Variants in GALNT18 observed in about 807,000 individuals in gnomAD.
The protein encoded by GALNT18 is polypeptide N-acetylgalactosaminyltransferase 18, also known as GalNAc-transferase 18.
GALNT18 carries 44 observed loss-of-function variants against 69.5 expected under a neutral mutation model. The observed-to-expected ratio is 0.63, with a 90% CI of 0.50 to 0.81. The LOEUF is 0.81. GALNT18 is among the 40% of genes least tolerant of loss of function. GALNT18 has a pLI of 0.00. For synonymous variants in GALNT18, 364 were observed against 318.2 expected, an observed-to-expected ratio of 1.14 and a Z score of -1.53; for missense variants, 715 against 810.0, an observed-to-expected ratio of 0.88 and a Z score of 1.42.
chr11:11,432,826 C>A lies in GALNT18; in HGVS notation c.429-39G>T. 1 of 1,593,836 alleles carries A rather than the reference C, an allele frequency of 6.3e-7. No homozygotes were observed. The highest frequency in any genetic ancestry group is 1.1e-5 in the South Asian group (1 of 88,866). ...CCAAGCGCTTAGATTTGTGACTCAG[C>A]TGGAGTCATCTCAGGAGCTGACCCA... On this transcript the variant is annotated intron_variant, in intron 2 of 10. Transcript: ENST00000227756. The surrounding 1 kb of genome is among the most constrained non-coding windows in gnomAD (Gnocchi z 5.8).
At chr11:11,508,493 A>G (rs1179171075) in intron 1 of GALNT18, among the ~76,000 whole-genome samples, 1 of 152,198 alleles carries the variant, frequency 6.6e-6, no homozygotes, top group Non-Finnish European at 1.5e-5. Flanking sequence ...ATATTTCTCC[A>G]TCGTAAAAGT....
In GALNT18 at chr11:11,605,567, C is replaced by T. The variant is rs1278883529; in HGVS notation, c.235+15792G>A. Among the ~76,000 whole-genome samples the T allele has an allele frequency of 6.6e-6, 1 of 152,156 alleles. No individual in the cohort carries two copies. Among genetic ancestry groups the T allele is most frequent in the African/African-American group, 2.4e-5 (1 of 41,436 alleles). On this transcript the variant is annotated intron_variant, in intron 1 of 10. Coordinates refer to ENST00000227756, the MANE Select transcript of GALNT18 (RefSeq NM_198516.3). This position sits in a 1 kb window ranked among gnomAD's most constrained non-coding sequence, Gnocchi z 4.7. ...AAAGCCAGAGGCCAACTTCCCTTTACCTCTGGGGTCCCAAGCACTCTGTTT... is the reference window on the plus strand; with the variant it reads ...AAAGCCAGAGGCCAACTTCCCTTTATCTCTGGGGTCCCAAGCACTCTGTTT...
chr11:11,600,915 T>C lies in GALNT18; in HGVS notation c.235+20444A>G, dbSNP rs553081328. Among the ~76,000 whole-genome samples, 1 of 152,316 alleles carries C rather than the reference T, an allele frequency of 6.6e-6. No homozygotes were observed. Among genetic ancestry groups the C allele is most frequent in the South Asian group, 2.1e-4 (1 of 4,824 alleles). On this transcript the variant is annotated intron_variant, in intron 1 of 10. Coordinates refer to ENST00000227756, the MANE Select transcript of GALNT18 (RefSeq NM_198516.3). This position sits in a 1 kb window ranked among gnomAD's most constrained non-coding sequence, Gnocchi z 4.8. ...ATACTTTCTTCTGCCAACTCAAATA[T>C]ATTTTTAAGTGCCCCAGTGATTTTT...
chr11:11,386,706 T>C (rs542447579), intron 3 of GALNT18, among the ~76,000 whole-genome samples: 4 of 152,298 alleles, frequency 2.6e-5, no homozygotes, highest in African/African-American at 9.6e-5. Context: ...AACCCTAAGA[T>C]ATAGCTCCTA....
At chr11:11,519,002 C>T (rs1447821941) in intron 1 of GALNT18, among the ~76,000 whole-genome samples, 7 of 152,176 alleles carry the variant, frequency 4.6e-5, no homozygotes, top group Admixed American at 4.6e-4. Flanking sequence ...GAACCAAACC[C>T]AGATCTTCTC....
chr11:11,493,287 A>C (rs1378873264), intron 1 of GALNT18, among the ~76,000 whole-genome samples: 1 of 151,684 alleles, frequency 6.6e-6, no homozygotes, highest in African/African-American at 2.4e-5. Context: ...AAAAAAAAAA[A>C]AAAAAAAATT....
At chr11:11,499,394 T>C (rs1856929345) in intron 1 of GALNT18, among the ~76,000 whole-genome samples, 1 of 152,160 alleles carries the variant, frequency 6.6e-6, no homozygotes, top group Non-Finnish European at 1.5e-5. Flanking sequence ...GTTCTGGCCT[T>C]CCCCACTGCC....
intron 1 of GALNT18, among the ~76,000 whole-genome samples, chr11:11,499,714 G>A (rs1856935430): frequency 1.3e-5 from 2 of 152,178 alleles, no homozygotes; most frequent in African/African-American, 4.8e-5. Flanking sequence ...TGTTTACCCT[G>A]TGCTCTACAT....
In GALNT18 at chr11:11,333,890, C is replaced by T. The variant is rs116633485; in HGVS notation, c.1279-1059G>A. On this transcript the variant is annotated intron_variant, in intron 7 of 10. Transcript: ENST00000227756. ...AGAATTGGCTGAGAAAAAGCTGATG[C>T]AAAAGCAGAGGCTGCCGAGGGGTCC... Among the ~76,000 whole-genome samples, 741 of 151,940 alleles carry T rather than the reference C, an allele frequency of 4.9e-3. 5 individuals are homozygous for T. The highest frequency in any genetic ancestry group is 0.017 in the African/African-American group (714 of 41,476).
rs867972377 is a variant in GALNT18 at position 11,377,580 on chromosome 11, C to T, written c.780-201G>A. Among the ~76,000 whole-genome samples, 32 of 151,936 alleles carry T rather than the reference C, an allele frequency of 2.1e-4. No homozygotes were observed. The highest frequency in any genetic ancestry group is 7.3e-4 in the African/African-American group (30 of 41,340). Reference sequence around the variant, plus strand: ...TGAGGATTGCCGGAATGGCAAGAGGCTGCACCACTCCATTGGCATATCCAG... The same window carrying T: ...TGAGGATTGCCGGAATGGCAAGAGGTTGCACCACTCCATTGGCATATCCAG... On this transcript the variant is annotated intron_variant, in intron 4 of 10. Transcript: ENST00000227756. This position sits in a 1 kb window ranked among gnomAD's most constrained non-coding sequence, Gnocchi z 4.6.
In GALNT18 at chr11:11,496,785, T is replaced by C. The variant is rs570528561; in HGVS notation, c.236-47849A>G. ...CCCCACTGCAGTGGTCTGAACCCCC[T>C]CCATTTCTGGGTCTCTCCAATGGCC... On this transcript the variant is annotated intron_variant, in intron 1 of 10. Coordinates refer to ENST00000227756, the MANE Select transcript of GALNT18 (RefSeq NM_198516.3). The surrounding 1 kb of genome is among the most constrained non-coding windows in gnomAD (Gnocchi z 4.0). Among the ~76,000 whole-genome samples the C allele has an allele frequency of 6.6e-6, 1 of 151,312 alleles. No individual in the cohort carries two copies. Among genetic ancestry groups the C allele is most frequent in the East Asian group, 2.0e-4 (1 of 4,894 alleles).
chr11:11,299,974 C>T (rs563469229), intron 9 of GALNT18, among the ~76,000 whole-genome samples: 1 of 152,302 alleles, frequency 6.6e-6, no homozygotes, highest in South Asian at 2.1e-4. Context: ...AATTCTGGAG[C>T]CCTCACCAAG....
At chr11:11,380,431 T>C (rs1853884018) in intron 3 of GALNT18, among the ~76,000 whole-genome samples, 1 of 152,248 alleles carries the variant, frequency 6.6e-6, no homozygotes. Context: ...TAGTTTTTCT[T>C]GAACCCTTTC....
intron 1 of GALNT18, among the ~76,000 whole-genome samples, chr11:11,554,123 C>T (rs536961538): frequency 7.9e-5 from 12 of 152,334 alleles, no homozygotes; most frequent in Non-Finnish European, 1.5e-4. Flanking sequence ...CGCTGACTGG[C>T]GGCTTCTTCC....
chr11:11,570,590 TCA>T (rs1858769647), intron 1 of GALNT18, among the ~76,000 whole-genome samples: 1 of 152,212 alleles, frequency 6.6e-6, no homozygotes. Flanking sequence ...TCCTTTCAGA[TCA>T]CAGTCTCAAA....
At chr11:11,456,035 G>A (rs1221848736) in intron 1 of GALNT18, among the ~76,000 whole-genome samples, 1 of 152,162 alleles carries the variant, frequency 6.6e-6, no homozygotes, top group Non-Finnish European at 1.5e-5. Context: ...GCTGCAGTGA[G>A]CTTTGCCACC....
At chr11:11,297,060 T>G (rs1849414647) in intron 9 of GALNT18, among the ~76,000 whole-genome samples, 1 of 152,114 alleles carries the variant, frequency 6.6e-6, no homozygotes, top group African/African-American at 2.4e-5. Flanking sequence ...AGGAATGTTA[T>G]AAACCAGGGG....
chr11:11,468,703 G>T (rs1010078996), intron 1 of GALNT18, among the ~76,000 whole-genome samples: 1 of 152,082 alleles, frequency 6.6e-6, no homozygotes, highest in African/African-American at 2.4e-5. Flanking sequence ...TAAGATTCTC[G>T]GGTCTGGGGG....
At chr11:11,493,447 A>C (rs1856813645) in intron 1 of GALNT18, among the ~76,000 whole-genome samples, 1 of 152,086 alleles carries the variant, frequency 6.6e-6, no homozygotes, top group South Asian at 2.1e-4. Context: ...ACCTTCCTAC[A>C]TAAGCCTGAT....
Sources: gnomAD v4.1 joint callset for allele counts (sites outside exome capture counted in the v4.1 genomes callset) on GRCh38, gnomAD v4.1.1 for gene constraint, Gnocchi (gnomAD v3.1) non-coding constraint, MANE v1.5 for transcripts, NCBI Gene and HGNC (gene_info 2026-07-23, HGNC 2026-07-21) for gene names.